Variants in GAB2 observed in about 807,000 individuals in gnomAD.
GAB2 encodes the protein GRB2-associated-binding protein 2.
In GAB2, 26 loss-of-function variants were observed where a neutral mutation model predicts 65.5. The ratio of observed to expected loss-of-function variants is 0.40; its 90% confidence interval spans 0.29 to 0.55. GAB2 has a LOEUF of 0.55. Ranked by LOEUF, GAB2 falls within the 20% of genes least tolerant of loss-of-function variation. The pLI is 0.53. For synonymous variants in GAB2, 321 were observed against 329.6 expected (o/e 0.97, Z 0.28); for missense variants, 884 against 875.8 (o/e 1.01, Z -0.12).
At chr11:78,297,947 G>A (rs1866885565) in intron 1 of GAB2, among the ~76,000 whole-genome samples, 1 of 152,110 alleles carries the variant, frequency 6.6e-6, no homozygotes, top group South Asian at 2.1e-4. Flanking sequence ...TCCTTGTTGA[G>A]GGGAATGGGC....
intron 1 of GAB2, among the ~76,000 whole-genome samples, chr11:78,298,939 C>T (rs1381463041): frequency 6.6e-6 from 1 of 152,208 alleles, no homozygotes; most frequent in Non-Finnish European, 1.5e-5. Flanking sequence ...TAGCTCACTA[C>T]TGTCTTCAAC....
Position 78,280,406 on chromosome 11 carries a change from T to C in GAB2, c.376+195A>G, listed in dbSNP as rs1866301419. ...GCTTTATCACAACCCCAACACTTTTTTTTGGTTTCCAGTTAGAGCATAATT... is the reference window on the plus strand; with the variant it reads ...GCTTTATCACAACCCCAACACTTTTCTTTGGTTTCCAGTTAGAGCATAATT... On this transcript the variant is annotated intron_variant, in intron 2 of 9. Coordinates refer to ENST00000361507, the MANE Select transcript of GAB2 (RefSeq NM_080491.3). 8.4e-6 allele frequency: 5 copies of C among 598,066 alleles called. No individual in the cohort carries two copies. The South Asian group carries it at 1.0e-4, about 12-fold the overall frequency. 37.0% of individuals were successfully genotyped at this position (598,066 alleles called of 1,614,324 possible).
intron 1 of GAB2, among the ~76,000 whole-genome samples, chr11:78,289,925 T>C (rs2134602931): frequency 6.7e-6 from 1 of 148,284 alleles, no homozygotes; most frequent in Middle Eastern, 3.5e-3. Context: ...CACAGTCTTC[T>C]CAATATGGAA....
intron 1 of GAB2, among the ~76,000 whole-genome samples, chr11:78,283,172 A>G (rs1229250118): frequency 6.6e-6 from 1 of 152,136 alleles, no homozygotes; most frequent in Non-Finnish European, 1.5e-5. Flanking sequence ...CCACTCTTTT[A>G]TATCTTATTT....
At chr11:78,220,251 G>A (rs1009540813) in intron 9 of GAB2, 68 bp downstream of exon 9, 2 of 1,567,882 alleles carry the variant, frequency 1.3e-6, no homozygotes, top group Non-Finnish European at 1.7e-6. Flanking sequence ...AAGGCACCCT[G>A]GCCTCCATGA....
chr11:78,253,356 A>G (rs1193177640), intron 2 of GAB2, among the ~76,000 whole-genome samples: 1 of 152,084 alleles, frequency 6.6e-6, no homozygotes, highest in Non-Finnish European at 1.5e-5. Context: ...CCATGGTGCA[A>G]TCATAGCTCA....
intron 4 of GAB2, 47 bp downstream of exon 4, chr11:78,226,418 G>T: frequency 6.9e-7 from 1 of 1,441,652 alleles, no homozygotes. Flanking sequence ...GAGAACCCCT[G>T]TGTTACCTCC....
intron 1 of GAB2, among the ~76,000 whole-genome samples, chr11:78,404,724 G>C (rs1288133939): frequency 6.6e-6 from 1 of 152,208 alleles, no homozygotes; most frequent in Non-Finnish European, 1.5e-5. Flanking sequence ...CATGGAGATA[G>C]AGAAACAATA....
chr11:78,286,619 A>C (rs1209071588), intron 1 of GAB2, among the ~76,000 whole-genome samples: 4 of 142,990 alleles, frequency 2.8e-5, no homozygotes. Context: ...TAATTTGTTC[A>C]AATTAATAAA....
chr11:78,246,908 G>A (rs1179532141), intron 3 of GAB2, among the ~76,000 whole-genome samples: 1 of 152,192 alleles, frequency 6.6e-6, no homozygotes, highest in Non-Finnish European at 1.5e-5. Context: ...CATAGGCTTT[G>A]TTGCACTCGA....
At chr11:78,309,971 T>TGTGTGTGTGTGTGTGCACGC (rs1421836447) in intron 1 of GAB2, among the ~76,000 whole-genome samples, 88 of 120,178 alleles carry the variant, frequency 7.3e-4, no homozygotes, top group African/African-American at 3.0e-3. Context: ...TGTGTGTGTG[T>TGTGTGTGTGTGTGTGCACGC]GCGCGCGCGC....
At chr11:78,371,932 A>G (rs1282246549) in intron 1 of GAB2, among the ~76,000 whole-genome samples, 1 of 152,196 alleles carries the variant, frequency 6.6e-6, no homozygotes, top group African/African-American at 2.4e-5. Flanking sequence ...ACCCTCTAAA[A>G]CCTTCATTCC....
chr11:78,284,203 G>T (rs1234524883), intron 1 of GAB2, among the ~76,000 whole-genome samples: 1 of 152,088 alleles, frequency 6.6e-6, no homozygotes, highest in Non-Finnish European at 1.5e-5. Flanking sequence ...TGTCAGTTCA[G>T]ACAGTTCAGA....
chr11:78,237,951 C>T lies in GAB2; in HGVS notation c.621-10900G>A, dbSNP rs141597060. On this transcript the variant is annotated intron_variant, in intron 3 of 9. Transcript: ENST00000361507. ...AACAGAAAACCAAGCACTACATGTT[C>T]TCACTTATAAGTGGGAGCTGAACAA... Among the ~76,000 whole-genome samples, 744 of 152,298 alleles carry T rather than the reference C, an allele frequency of 4.9e-3. 7 individuals are homozygous for T. The highest frequency in any genetic ancestry group is 0.016 in the African/African-American group (682 of 41,572).
intron 2 of GAB2, among the ~76,000 whole-genome samples, chr11:78,278,003 GC>G (rs1382182158): frequency 6.6e-6 from 1 of 151,882 alleles, no homozygotes; most frequent in Non-Finnish European, 1.5e-5. Context: ...AGATAGATTT[GC>G]CACTGCTAAC....
rs973467360 is a variant in GAB2 at position 78,363,020 on chromosome 11, G to C, written c.75+54626C>G. 2.0e-5 allele frequency among the ~76,000 whole-genome samples: 3 copies of C among 152,198 alleles called. No homozygotes were observed. The East Asian group carries it at 5.8e-4, about 29-fold the overall frequency. Reference sequence around the variant, plus strand: ...GAAAGTGACAAGTCCATTACATAATGGGAGATTTTTAAACAACCTCCCAGT... The same window carrying C: ...GAAAGTGACAAGTCCATTACATAATCGGAGATTTTTAAACAACCTCCCAGT... On this transcript the variant is annotated intron_variant, in intron 1 of 9. Coordinates refer to ENST00000361507, the MANE Select transcript of GAB2 (RefSeq NM_080491.3).
chr11:78,383,218 G>C (rs1468646869), intron 1 of GAB2, among the ~76,000 whole-genome samples: 1 of 152,140 alleles, frequency 6.6e-6, no homozygotes, highest in Non-Finnish European at 1.5e-5. Context: ...GTTGCAGTGA[G>C]CTGAGACCAT....
intron 1 of GAB2, among the ~76,000 whole-genome samples, chr11:78,390,990 G>A (rs927916723): frequency 3.0e-4 from 45 of 152,182 alleles, no homozygotes; most frequent in East Asian, 7.7e-4. Context: ...CTATGAAAGC[G>A]GAAGTATTTA....
At chr11:78,346,335 C>T (rs1856178382) in intron 1 of GAB2, among the ~76,000 whole-genome samples, 2 of 152,086 alleles carry the variant, frequency 1.3e-5, no homozygotes, top group South Asian at 4.1e-4. Context: ...ATCTCACATC[C>T]TTACTCTTCA....
Sources: allele counts gnomAD v4.1 joint callset (sites outside exome capture counted in the v4.1 genomes callset), GRCh38; gene constraint gnomAD v4.1.1; transcripts MANE v1.5; gene names NCBI Gene and HGNC (gene_info 2026-07-23, HGNC 2026-07-21).